PTPRN2: variants seen among roughly 807,000 people sequenced by gnomAD.
The protein encoded by PTPRN2 is receptor-type tyrosine-protein phosphatase N2.
Under a neutral mutation model 118.8 loss-of-function variants are expected in PTPRN2, and 74 were observed. That is an observed-to-expected ratio of 0.62 (90% CI 0.52 to 0.76). The LOEUF is 0.76. Ranked by LOEUF, PTPRN2 falls within the 30% of genes least tolerant of loss-of-function variation. The probability of loss-of-function intolerance (pLI) is 0.00; values close to 1 mark genes in which losing one functional copy is unlikely to be tolerated. For synonymous variants in PTPRN2, 641 were observed against 608.0 expected (o/e 1.05, Z -0.80); for missense variants, 1,481 against 1,394.4 (o/e 1.06, Z -0.99).
chr7:158,058,975 C>A (rs1368670082), intron 11 of PTPRN2, among the ~76,000 whole-genome samples: 2 of 104,174 alleles, frequency 1.9e-5, no homozygotes, highest in Admixed American at 8.3e-5. Flanking sequence ...TGCAGCCACA[C>A]TCCATCTGCC....
At chr7:158,235,366 G>A (rs1378550452) in intron 3 of PTPRN2, among the ~76,000 whole-genome samples, 1 of 152,148 alleles carries the variant, frequency 6.6e-6, no homozygotes, top group Non-Finnish European at 1.5e-5. Context: ...ATGGATGAAT[G>A]GATATAGAAA....
At chr7:157,870,153 C>G (rs1810964659) in intron 12 of PTPRN2, among the ~76,000 whole-genome samples, 1 of 152,074 alleles carries the variant, frequency 6.6e-6, no homozygotes, top group Non-Finnish European at 1.5e-5. Flanking sequence ...GTTTTGGAAC[C>G]CATGGAGTGG....
chr7:158,246,793 T>C (rs1039127395), intron 3 of PTPRN2, among the ~76,000 whole-genome samples: 2 of 151,944 alleles, frequency 1.3e-5, no homozygotes, highest in Non-Finnish European at 2.9e-5. Flanking sequence ...GTGCTTCCCA[T>C]GGCCATGCCG....
chr7:158,191,848 C>T (rs1292539413), intron 5 of PTPRN2, among the ~76,000 whole-genome samples: 1 of 152,136 alleles, frequency 6.6e-6, no homozygotes, highest in Non-Finnish European at 1.5e-5. Flanking sequence ...CTGCCCTGGG[C>T]TGCCCCCGGG....
rs745673084 is a variant in PTPRN2 at position 158,136,736 on chromosome 7, T to G, written c.1133-41A>C. The stretch of plus-strand genomic sequence containing the variant: ...GTGTTACCAAGACCCTCATCAAGAA[T>G]GTCATCACAGGGTGCCACAGACATA... On this transcript the variant is annotated intron_variant, in intron 7 of 22. Transcript: ENST00000389418. 3 of 1,598,704 alleles carry G rather than the reference T, an allele frequency of 1.9e-6. No individual in the cohort carries two copies. The South Asian group carries it at 3.4e-5, about 18-fold the overall frequency.
intron 3 of PTPRN2, among the ~76,000 whole-genome samples, chr7:158,240,255 A>G (rs1795831422): frequency 2.0e-5 from 3 of 151,454 alleles, no homozygotes; most frequent in Middle Eastern, 3.4e-3. Context: ...TATACCAAAA[A>G]AGAGAGAGAG....
At chr7:158,387,562 C>G in intron 2 of PTPRN2, among the ~76,000 whole-genome samples, 1 of 121,462 alleles carries the variant, frequency 8.2e-6, no homozygotes, top group African/African-American at 2.7e-5. Context: ...GGGGCTGCGG[C>G]ATCCCTGTCA....
chr7:158,071,798 C>CGTG (rs1811854265), intron 11 of PTPRN2, among the ~76,000 whole-genome samples: 5 of 95,838 alleles, frequency 5.2e-5, no homozygotes, highest in East Asian at 3.1e-4. Flanking sequence ...TGGAGGTGCT[C>CGTG]CTGGTGGAGG....
chr7:158,033,044 C>T (rs1191864659), intron 11 of PTPRN2, among the ~76,000 whole-genome samples: 1 of 152,062 alleles, frequency 6.6e-6, no homozygotes, highest in Non-Finnish European at 1.5e-5. Flanking sequence ...CAACTTCTGT[C>T]TCCCAGGTGC....
At chr7:158,329,459 C>T (rs1161507122) in intron 2 of PTPRN2, among the ~76,000 whole-genome samples, 3 of 152,124 alleles carry the variant, frequency 2.0e-5, no homozygotes, top group Admixed American at 1.3e-4. Flanking sequence ...GGCTGAGAGG[C>T]GAGGAGGTGG....
At chr7:157,576,505 C>A in intron 19 of PTPRN2, 108 bp downstream of exon 19, 1 of 1,208,460 alleles carries the variant, frequency 8.3e-7, no homozygotes, top group Non-Finnish European at 1.1e-6. Context: ...GCGGCGCCGA[C>A]ACAGACGCGG....
chr7:157,845,865 A>T lies in PTPRN2; in HGVS notation c.1788+52808T>A, dbSNP rs1379960063. The stretch of plus-strand genomic sequence containing the variant: ...ATCCCGGCTCTCCACAAAACACAAA[A>T]ATTAACCCCAGGCAGATTAAAGCCT... On this transcript the variant is annotated intron_variant, in intron 12 of 22. Coordinates refer to ENST00000389418, the MANE Select transcript of PTPRN2 (RefSeq NM_002847.5). This position sits in a 1 kb window ranked among gnomAD's most constrained non-coding sequence, Gnocchi z 4.5. Among the ~76,000 whole-genome samples the T allele has an allele frequency of 1.3e-5, 2 of 152,106 alleles. No individual in the cohort carries two copies. Among genetic ancestry groups the T allele is most frequent in the Non-Finnish European group, 2.9e-5 (2 of 68,024 alleles).
At chr7:157,971,295 A>G (rs1291393589) in intron 11 of PTPRN2, among the ~76,000 whole-genome samples, 2 of 152,216 alleles carry the variant, frequency 1.3e-5, no homozygotes, top group African/African-American at 4.8e-5. Flanking sequence ...ATCCATCACG[A>G]ATCCGTATTT....
intron 12 of PTPRN2, among the ~76,000 whole-genome samples, chr7:157,850,284 C>A (rs1809172427): frequency 6.7e-6 from 1 of 149,612 alleles, no homozygotes; most frequent in African/African-American, 2.4e-5. Flanking sequence ...ACATGGGGTG[C>A]CTCAGGCTCG....
chr7:158,084,698 C>CGG (rs1813124658), intron 10 of PTPRN2, among the ~76,000 whole-genome samples: 2 of 125,006 alleles, frequency 1.6e-5, no homozygotes, highest in African/African-American at 3.0e-5. Context: ...CCACACCCAC[C>CGG]ACGCCCATCC....
At chr7:158,246,254 T>C (rs1472374759) in intron 3 of PTPRN2, among the ~76,000 whole-genome samples, 3 of 151,782 alleles carry the variant, frequency 2.0e-5, no homozygotes, top group African/African-American at 7.3e-5. Flanking sequence ...AAAAAACTCA[T>C]CACTTGAAGG....
chr7:158,045,262 G>A (rs1340473132), intron 11 of PTPRN2, among the ~76,000 whole-genome samples: 1 of 152,234 alleles, frequency 6.6e-6, no homozygotes, highest in African/African-American at 2.4e-5. Flanking sequence ...AAATCCGTGA[G>A]GCTGAGCTAG....
At chr7:158,511,791 C>A (rs1230306285) in intron 1 of PTPRN2, among the ~76,000 whole-genome samples, 1 of 152,218 alleles carries the variant, frequency 6.6e-6, no homozygotes, top group Non-Finnish European at 1.5e-5. Context: ...GCCAGGGTTC[C>A]CACATGCACA....
intron 1 of PTPRN2, among the ~76,000 whole-genome samples, chr7:158,531,185 TGCCTGACACA>T (rs1284237604): frequency 3.3e-5 from 5 of 152,294 alleles, no homozygotes; most frequent in South Asian, 2.1e-4. Context: ...CCCCAAACCA[TGCCTGACACA>T]GCAAATTTAC....
Sources: gnomAD v4.1 joint callset for allele counts (sites outside exome capture counted in the v4.1 genomes callset) on GRCh38, gnomAD v4.1.1 for gene constraint, Gnocchi (gnomAD v3.1) non-coding constraint, MANE v1.5 for transcripts, NCBI Gene and HGNC (gene_info 2026-07-23, HGNC 2026-07-21) for gene names.